ZNF436: variants seen among roughly 807,000 people sequenced by gnomAD.
The protein encoded by ZNF436 is zinc finger protein 436.
In ZNF436, 22 loss-of-function variants were observed where a neutral mutation model predicts 41.9. The ratio of observed to expected loss-of-function variants is 0.53; its 90% CI spans 0.38 to 0.75. The LOEUF is 0.75. Ranked by LOEUF, ZNF436 falls within the 30% of genes least tolerant of loss-of-function variation. ZNF436 has a pLI of 0.00. For synonymous variants in ZNF436, 217 were observed against 197.8 expected, an observed-to-expected ratio of 1.10 and a Z score of -0.82; for missense variants, 506 against 587.3, an observed-to-expected ratio of 0.86 and a Z score of 1.43.
intron 1 of ZNF436, chr1:23,368,887 C>A (rs987430895): frequency 1.9e-5 from 3 of 153,904 alleles, no homozygotes; most frequent in Admixed American, 1.3e-4. Flanking sequence ...CCACGCACTA[C>A]ATCTCCCAAC....
chr1:23,367,299 CA>C, intron 2 of ZNF436, 131 bp from the exon 3 acceptor site: 1 of 1,100,836 alleles, frequency 9.1e-7, no homozygotes, highest in Non-Finnish European at 1.2e-6. Context: ...AATAAACAAG[CA>C]AAAAAGAGAT....
chr1:23,366,973 G>A (rs1638372432), intron 3 of ZNF436, 69 bp downstream of exon 3: 7 of 1,556,398 alleles, frequency 4.5e-6, no homozygotes, highest in Non-Finnish European at 6.1e-6. Context: ...AGGCTGTGTT[G>A]AAAGAACTAA....
At position 23,369,452 on chromosome 1, in the gene ZNF436, G is replaced by T. The variant is rs1264818289; in HGVS notation, c.-147C>A. Reference sequence around the variant, plus strand: ...GTTCCAGAGCCGCAGCGTTCTCTCAGACCTGGCGTTCAGGAAGATTCTAGA... The same window carrying T: ...GTTCCAGAGCCGCAGCGTTCTCTCATACCTGGCGTTCAGGAAGATTCTAGA... On this transcript the variant is annotated 5_prime_UTR_variant, in exon 1 of 4. The change creates a new upstream start codon in the 5' untranslated region. Coordinates refer to ENST00000314011, the MANE Select transcript of ZNF436 (RefSeq NM_001077195.2). 1 of 534,120 alleles carries T rather than the reference G, an allele frequency of 1.9e-6. No homozygotes were observed. The highest frequency in any genetic ancestry group is 3.9e-6 in the Non-Finnish European group (1 of 259,630). 33.1% of individuals were successfully genotyped at this position (534,120 alleles called of 1,614,324 possible).
At position 23,362,281 on chromosome 1, in the gene ZNF436, A is replaced by G. The variant is rs751232454; in HGVS notation, c.1101T>C (p.Cys367=). 4 of 1,613,976 alleles carry G rather than the reference A, an allele frequency of 2.5e-6. No homozygotes were observed. Among genetic ancestry groups the G allele is most frequent in the Non-Finnish European group, 3.4e-6 (4 of 1,180,018 alleles). ...TGEKPYECNA[C]GKSFSRSSHL... is the part of the protein sequence containing the mutation. ...GAGAGCTCCGGCTGAAGCTTTTCCC[A>G]CAAGCATTGCATTCATATGGCTTCT... Residue 367 remains cysteine (C), a synonymous_variant, in exon 4 of 4, where the codon TGT becomes TGC. Coordinates refer to ENST00000314011, the MANE Select transcript of ZNF436 (RefSeq NM_001077195.2).
Position 23,362,921 on chromosome 1 carries a change from T to G in ZNF436, c.461A>C (p.Asn154Thr). The G allele has an allele frequency of 6.2e-7, 1 of 1,614,176 alleles. No homozygotes were observed. Among genetic ancestry groups the G allele is most frequent in the South Asian group, 1.1e-5 (1 of 91,086 alleles). The change falls in exon 4 of 4, where the codon AAT becomes ACT. Residue 154 changes from asparagine (N) to threonine (T), a missense_variant. Around this residue, in one of 2 missense-constraint regions of ZNF436, gnomAD observed 228 missense variants for 215.1 expected, o/e 1.06. Coordinates refer to ENST00000314011, the MANE Select transcript of ZNF436 (RefSeq NM_001077195.2). Reference sequence around the variant, plus strand: ...TCCAGTGTGGGTCTTCTGATGTCGATTAAGGTCTGAGATCTGACTGAAGGC... The same window carrying G: ...TCCAGTGTGGGTCTTCTGATGTCGAGTAAGGTCTGAGATCTGACTGAAGGC... Reference protein sequence around the residue: ...GKAFSQISDLNRHQKTHTGDR... With the variant: ...GKAFSQISDLTRHQKTHTGDR...
rs546436688 is a variant in ZNF436 at position 23,366,943 on chromosome 1, C to T, written c.160+99G>A. On this transcript the variant is annotated intron_variant, in intron 3 of 3. Coordinates refer to ENST00000314011, the MANE Select transcript of ZNF436 (RefSeq NM_001077195.2). ...AGTCAAGCCAATATCCAATTAAGTG[C>T]TTTAAAAAATCAAACCACTAGGCTG... 43 of 1,356,386 alleles carry T rather than the reference C, an allele frequency of 3.2e-5. No homozygotes were observed. The East Asian group carries it at 1.1e-3, about 33-fold the overall frequency. The allele number at this position is 1,356,386 out of a possible 1,614,324, so 84.0% of individuals were successfully genotyped here. A position where few individuals can be genotyped will look rare whatever the true frequency, so the allele number is the denominator to read the frequency against.
At chr1:23,363,797 T>A (rs1394461877) in intron 3 of ZNF436, among the ~76,000 whole-genome samples, 1 of 152,082 alleles carries the variant, frequency 6.6e-6, no homozygotes, top group Non-Finnish European at 1.5e-5. Flanking sequence ...CCTAACACTT[T>A]AGGAGGCCAA....
intron 3 of ZNF436, among the ~76,000 whole-genome samples, chr1:23,365,532 G>A: frequency 6.6e-6 from 1 of 151,920 alleles, no homozygotes; most frequent in East Asian, 1.9e-4. Context: ...TGACCAACAT[G>A]GTGAAACCCC....
In ZNF436 at chr1:23,369,777, G is replaced by A. The variant is rs1638464845; in HGVS notation, c.-472C>T. The A allele has an allele frequency of 3.0e-6, 1 of 337,792 alleles. No individual in the cohort carries two copies. The highest frequency in any genetic ancestry group is 6.3e-6 in the Non-Finnish European group (1 of 159,288). 20.9% of individuals were successfully genotyped at this position (337,792 alleles called of 1,614,324 possible). ...TAGACAATGGAAGTCGAGCACTGGG[G>A]AAAGCAGGCATTCTGCGTGGGGAAG... is the stretch of plus-strand genomic sequence containing the variant. On this transcript the variant is annotated 5_prime_UTR_variant, in exon 1 of 4. Transcript: ENST00000314011.
Position 23,362,062 on chromosome 1 carries a change from G to A in ZNF436, c.1320C>T (p.His440=). ...TACATTCATAAGGTTTCTCTCCCGT[G>A]TGAACTCTTTGATGTGTGATGAGGT... is the stretch of plus-strand genomic sequence containing the variant. The part of the protein sequence containing the change: ...SSNLITHQRV[H]TGEKPYECTE... The change falls in exon 4 of 4, where the codon CAC becomes CAT. Residue 440 remains histidine (H), a synonymous_variant. Transcript: ENST00000314011. 1 of 1,614,218 alleles carries A rather than the reference G, an allele frequency of 6.2e-7. No homozygotes were observed. The highest frequency in any genetic ancestry group is 8.5e-7 in the Non-Finnish European group (1 of 1,180,046).
At position 23,362,552 on chromosome 1, in the gene ZNF436, G is replaced by A; in HGVS notation, c.830C>T (p.Pro277Leu). 2 of 1,614,032 alleles carry A rather than the reference G, an allele frequency of 1.2e-6. No homozygotes were observed. The highest frequency in any genetic ancestry group is 1.1e-5 in the South Asian group (1 of 91,056). Reference protein sequence around the residue: ...QHQRTHTGEKPYECNECGRGF... With the variant: ...QHQRTHTGEKLYECNECGRGF... ...TCGGCCACATTCGTTACATTCATAA[G>A]GTTTCTCACCCGTGTGGGTCCTCTG... Residue 277 changes from proline (P) to leucine (L), a missense_variant, in exon 4 of 4, where the codon CCT (proline) becomes CTT (leucine). This residue lies in a region of ZNF436 where 278 missense variants were observed against 372.1 expected (regional missense o/e 0.75). Transcript: ENST00000314011.
At position 23,361,596 on chromosome 1, in the gene ZNF436, A is replaced by AT. The variant is rs1638228339; in HGVS notation, c.*372dup. On this transcript the variant is annotated 3_prime_UTR_variant, in exon 4 of 4. Coordinates refer to ENST00000314011, the MANE Select transcript of ZNF436 (RefSeq NM_001077195.2). ...TTTCCAAAGCAGCCATTACCACCCTATTACAGTCCCACGTTTCACTTAGCA... is the reference window on the plus strand; with the variant it reads ...TTTCCAAAGCAGCCATTACCACCCTATTTACAGTCCCACGTTTCACTTAGCA... 1 of 182,950 alleles carries AT rather than the reference A, an allele frequency of 5.5e-6. No individual in the cohort carries two copies. Among genetic ancestry groups the AT allele is most frequent in the South Asian group, 1.1e-4 (1 of 8,976 alleles). 11.3% of individuals were successfully genotyped at this position (182,950 alleles called of 1,614,324 possible). A position where few individuals can be genotyped will look rare whatever the true frequency, so the allele number is the denominator to read the frequency against.
intron 3 of ZNF436, among the ~76,000 whole-genome samples, chr1:23,363,696 A>C (rs564770023): frequency 6.6e-6 from 1 of 152,312 alleles, no homozygotes; most frequent in African/African-American, 2.4e-5. Flanking sequence ...ATTCAAACTC[A>C]GGTCTGTCAA....
rs755610513 is a variant in ZNF436, at chr1:23,361,991, T to A, written c.1391A>T (p.His464Leu). ...AGCTTAGTCCGTATGAACTCTCTTA[T>A]GTTTAATAAGAGCTGAGCTCCTGCT... ...SFSRSSALIKHKRVHTD is the reference protein window; with the variant it reads ...SFSRSSALIKLKRVHTD Residue 464 changes from histidine (H) to leucine (L), a missense_variant, in exon 4 of 4, where the codon CAT becomes CTT. Physicochemically the swap from His to Leu is moderately conservative, Grantham distance 99 (BLOSUM62 -3). Coordinates refer to ENST00000314011, the MANE Select transcript of ZNF436 (RefSeq NM_001077195.2). 1 of 1,608,464 alleles carries A rather than the reference T, an allele frequency of 6.2e-7. No individual in the cohort carries two copies. Among genetic ancestry groups the A allele is most frequent in the Admixed American group, 1.7e-5 (1 of 58,948 alleles).
rs774024576 is a variant in ZNF436, at chr1:23,368,032, G to A, written c.-27C>T. 6.2e-7 allele frequency: 1 copy of A among 1,613,776 alleles called. No individual in the cohort carries two copies. The highest frequency in any genetic ancestry group is 8.5e-7 in the Non-Finnish European group (1 of 1,179,862). Reference sequence around the variant, plus strand: ...TCGAGCACAAGGGTTCGCCTCCAGGGAGAGAGAGCAGGAAAAGCAGCTAGC... The same window carrying A: ...TCGAGCACAAGGGTTCGCCTCCAGGAAGAGAGAGCAGGAAAAGCAGCTAGC... On this transcript the variant is annotated 5_prime_UTR_variant, in exon 2 of 4. Coordinates refer to ENST00000314011, the MANE Select transcript of ZNF436 (RefSeq NM_001077195.2).
At chr1:23,363,264 T>A in intron 3 of ZNF436, 43 bp from the exon 4 acceptor site, 1 of 1,547,844 alleles carries the variant, frequency 6.5e-7, no homozygotes, top group Non-Finnish European at 8.7e-7. Context: ...GTACAAAAAT[T>A]ACCTATTGTG....
intron 3 of ZNF436, among the ~76,000 whole-genome samples, chr1:23,363,768 C>T (rs1040144576): frequency 6.6e-6 from 1 of 152,116 alleles, no homozygotes; most frequent in Non-Finnish European, 1.5e-5. Context: ...GGCCAGGTGC[C>T]GTGGCTCACG....
At chr1:23,369,069 C>A in intron 1 of ZNF436, 1 of 237,762 alleles carries the variant, frequency 4.2e-6, no homozygotes, top group South Asian at 4.0e-5. Context: ...GGGGGCGCCC[C>A]TCGAGCGGCG....
At chr1:23,368,590 G>A (rs577975192) in intron 1 of ZNF436, among the ~76,000 whole-genome samples, 2 of 152,346 alleles carry the variant, frequency 1.3e-5, no homozygotes, top group African/African-American at 4.8e-5. Flanking sequence ...GAACAAAAGG[G>A]TGAAAAAGTA....
Sources: gnomAD v4.1 joint callset for allele counts (sites outside exome capture counted in the v4.1 genomes callset) on GRCh38, gnomAD v4.1.1 for gene constraint, gnomAD v4.1.1 regional missense constraint, MANE v1.5 for transcripts, NCBI Gene and HGNC (gene_info 2026-07-23, HGNC 2026-07-21) for gene names.